The following SORBS2 variants were observed in gnomAD, a reference collection of about 807,000 sequenced individuals.
The protein encoded by SORBS2 is sorbin and SH3 domain-containing protein 2.
A neutral mutation model predicts 97.7 loss-of-function variants in SORBS2; 46 were observed. That is an observed-to-expected ratio of 0.47 (90% CI 0.37 to 0.60). The LOEUF is 0.60. Ranked by LOEUF, SORBS2 falls within the 20% of genes least tolerant of loss-of-function variation. SORBS2 has a pLI of 0.00. For missense variants in SORBS2, 1,316 were observed against 1,282.3 expected, an observed-to-expected ratio of 1.03 and a Z score of -0.40; for synonymous variants, 476 against 473.4, an observed-to-expected ratio of 1.01 and a Z score of -0.07.
intron 2 of SORBS2, among the ~76,000 whole-genome samples, chr4:185,766,340 A>G (rs1478120851): frequency 6.6e-6 from 1 of 152,196 alleles, no homozygotes; most frequent in Non-Finnish European, 1.5e-5. Context: ...ATCTCACCGT[A>G]CATTTAGATG....
intron 2 of SORBS2, among the ~76,000 whole-genome samples, chr4:185,746,962 G>A (rs918542562): frequency 6.6e-6 from 1 of 152,194 alleles, no homozygotes; most frequent in African/African-American, 2.4e-5. Flanking sequence ...TTAAACTGAA[G>A]TCATTAGGGT....
intron 1 of SORBS2, among the ~76,000 whole-genome samples, chr4:185,811,450 G>A (rs932552294): frequency 9.9e-5 from 15 of 152,128 alleles, no homozygotes; most frequent in African/African-American, 3.4e-4. Context: ...TATCGGTCAT[G>A]TTTTTTATCT....
intron 1 of SORBS2, among the ~76,000 whole-genome samples, chr4:185,655,252 TTC>T (rs776957071): frequency 9.9e-5 from 15 of 152,236 alleles, no homozygotes; most frequent in Non-Finnish European, 2.1e-4. Flanking sequence ...CTTTACAAAA[TTC>T]TGTTTCCTCG....
intron 2 of SORBS2, among the ~76,000 whole-genome samples, chr4:185,688,535 CA>C (rs777353430): frequency 1.4e-5 from 2 of 147,248 alleles, no homozygotes; most frequent in Admixed American, 6.8e-5. Flanking sequence ...GATAGATAGA[CA>C]AAAAAGTCAG....
At chr4:185,920,129 T>C (rs2099260278) in intron 1 of SORBS2, among the ~76,000 whole-genome samples, 2 of 152,220 alleles carry the variant, frequency 1.3e-5, no homozygotes, top group African/African-American at 4.8e-5. Flanking sequence ...TTTGATTCTA[T>C]GTCAAATGGT....
chr4:185,668,104 G>A (rs2097647802), intron 4 of SORBS2, among the ~76,000 whole-genome samples: 1 of 152,140 alleles, frequency 6.6e-6, no homozygotes, highest in Admixed American at 6.5e-5. Context: ...CTGCTCATGA[G>A]ACTTTTCCCT....
intron 4 of SORBS2, among the ~76,000 whole-genome samples, chr4:185,643,589 C>T (rs755172107): frequency 1.2e-4 from 18 of 152,018 alleles, no homozygotes; most frequent in East Asian, 3.9e-4. Flanking sequence ...AGCCCAGGCA[C>T]GGACAATTGT....
Position 185,827,306 on chromosome 4 carries a change from T to TCATCAC in SORBS2, c.-337-51946_-337-51941dup, listed in dbSNP as rs2099201212. The stretch of plus-strand genomic sequence containing the variant: ...ATCATCACCATCATCATCATCACCA[T>TCATCAC]CATCACCATCATCACCATCATCATC... On this transcript the variant is annotated intron_variant, in intron 1 of 20. Coordinates refer to the SORBS2 transcript ENST00000284776. 6.2e-5 allele frequency among the ~76,000 whole-genome samples: 4 copies of TCATCAC among 64,424 alleles called. 1 individual carries two copies. Among genetic ancestry groups the TCATCAC allele is most frequent in the African/African-American group, 1.6e-4 (3 of 19,168 alleles). The allele number at this position is 64,424 out of a possible 152,430, so 42.3% of individuals were successfully genotyped here.
intron 1 of SORBS2, among the ~76,000 whole-genome samples, chr4:185,901,286 C>A (rs2099247615): frequency 1.3e-5 from 2 of 152,080 alleles, no homozygotes; most frequent in South Asian, 4.2e-4. Flanking sequence ...TCACCGAAAC[C>A]TCTACCTCCT....
intron 4 of SORBS2, among the ~76,000 whole-genome samples, chr4:185,631,142 A>T (rs942428745): frequency 6.6e-5 from 10 of 152,208 alleles, no homozygotes; most frequent in Non-Finnish European, 1.3e-4. Flanking sequence ...CGTTTAAATA[A>T]AACCCACAGA....
At position 185,826,489 on chromosome 4, in the gene SORBS2, T is replaced by A. The variant is rs1385111471; in HGVS notation, c.-337-51123A>T. Among the ~76,000 whole-genome samples, 3 of 152,228 alleles carry A rather than the reference T, an allele frequency of 2.0e-5. 1 individual carries two copies. The South Asian group carries it at 6.2e-4, about 32-fold the overall frequency. ...CTGTGCATTATTCATAAACAAGTCA[T>A]CCTAGTCTCTAAACAGAACAAGTTG... is the stretch of plus-strand genomic sequence containing the variant. On this transcript the variant is annotated intron_variant, in intron 1 of 20. Coordinates refer to the SORBS2 transcript ENST00000284776.
At chr4:185,731,832 TTCTCTCTCTCTCTCTC>T (rs1201714307) in intron 2 of SORBS2, among the ~76,000 whole-genome samples, 3 of 33,292 alleles carry the variant, frequency 9.0e-5, no homozygotes, top group African/African-American at 1.2e-4. Context: ...GTCTCTCTCT[TTCTCTCTCTCTCTCTC>T]TCTCTCTCTC....
intron 1 of SORBS2, among the ~76,000 whole-genome samples, chr4:185,897,500 A>G (rs2099245615): frequency 6.6e-6 from 1 of 152,202 alleles, no homozygotes; most frequent in South Asian, 2.1e-4. Flanking sequence ...TTGGGTCTTC[A>G]ATCTGAAGGC....
chr4:185,787,259 C>G (rs1253633511), intron 1 of SORBS2, among the ~76,000 whole-genome samples: 1 of 152,112 alleles, frequency 6.6e-6, no homozygotes, highest in Non-Finnish European at 1.5e-5. Context: ...GACAGGGATA[C>G]TTTGAATGGA....
Position 185,684,648 on chromosome 4 carries a change from T to C in SORBS2, c.-197-5826A>G, listed in dbSNP as rs2097920725. 1 of 808,928 alleles carries C rather than the reference T, an allele frequency of 1.2e-6. No individual in the cohort carries two copies. Among genetic ancestry groups the C allele is most frequent in the Non-Finnish European group, 2.0e-6 (1 of 509,648 alleles). 50.1% of individuals were successfully genotyped at this position (808,928 alleles called of 1,614,324 possible). ...TTTTTAATTACACATTTAAAATGTT[T>C]CCTACAAGATCTCATTTTCCTTTGC... On this transcript the variant is annotated intron_variant, in intron 2 of 20. Coordinates refer to the SORBS2 transcript ENST00000284776. This position sits in a 1 kb window ranked among gnomAD's most constrained non-coding sequence, Gnocchi z 4.2.
At chr4:185,819,868 CAAAT>C (rs1455146749) in intron 1 of SORBS2, among the ~76,000 whole-genome samples, 1 of 152,164 alleles carries the variant, frequency 6.6e-6, no homozygotes, top group Non-Finnish European at 1.5e-5. Context: ...CACTGTGGAA[CAAAT>C]AAATAAATGG....
intron 1 of SORBS2, among the ~76,000 whole-genome samples, chr4:185,951,456 C>A (rs1404066083): frequency 6.6e-6 from 1 of 152,184 alleles, no homozygotes; most frequent in Non-Finnish European, 1.5e-5. Flanking sequence ...TCTTAGAAGC[C>A]AATCCCCACT....
At chr4:185,918,437 C>T (rs2099259362) in intron 1 of SORBS2, 1 of 152,218 alleles carries the variant, frequency 6.6e-6, no homozygotes, top group Admixed American at 6.5e-5. Flanking sequence ...CTCCAGGTCA[C>T]TCTCCATCTT....
intron 1 of SORBS2, among the ~76,000 whole-genome samples, chr4:185,799,063 A>T (rs1011344331): frequency 9.9e-5 from 15 of 152,226 alleles, no homozygotes; most frequent in Non-Finnish European, 4.4e-5. Context: ...GAGAACTAGA[A>T]CATGTTACCT....
Sources: gnomAD v4.1 joint callset for allele counts (sites outside exome capture counted in the v4.1 genomes callset) on GRCh38, gnomAD v4.1.1 for gene constraint, Gnocchi (gnomAD v3.1) non-coding constraint, MANE v1.5 for transcripts, NCBI Gene and HGNC (gene_info 2026-07-23, HGNC 2026-07-21) for gene names.